The following COMMD1 variants were observed in gnomAD, a reference collection of about 807,000 sequenced individuals.
COMMD1 encodes COMM domain-containing protein 1.
A neutral mutation model predicts 17.2 loss-of-function variants in COMMD1; 10 were observed. That is an observed-to-expected ratio of 0.58 (90% confidence interval 0.36 to 0.99). The LOEUF is 0.99. Ranked by LOEUF, COMMD1 falls within the 50% of genes least tolerant of loss-of-function variation. The probability of loss-of-function intolerance (pLI) is 0.01; values close to 1 mark genes in which losing one functional copy is unlikely to be tolerated. For missense variants in COMMD1, 270 were observed against 231.8 expected, an observed-to-expected ratio of 1.17 and a Z score of -1.07; for synonymous variants, 97 against 91.6, an observed-to-expected ratio of 1.06 and a Z score of -0.34.
At chr2:62,015,695 G>GTTTTTT (rs1175789686) in intron 2 of COMMD1, among the ~76,000 whole-genome samples, 4 of 127,226 alleles carry the variant, frequency 3.1e-5, no homozygotes, top group Non-Finnish European at 5.1e-5. Context: ...TAGTTTCTGG[G>GTTTTTT]TTTTTTTTTT....
At chr2:61,934,098 C>A (rs1670541557) in intron 1 of COMMD1, among the ~76,000 whole-genome samples, 1 of 152,070 alleles carries the variant, frequency 6.6e-6, no homozygotes, top group African/African-American at 2.4e-5. Context: ...ATACCTAAAT[C>A]CAGTTTAAAC....
chr2:62,058,407 C>T (rs904503498), intron 2 of COMMD1, among the ~76,000 whole-genome samples: 1 of 152,130 alleles, frequency 6.6e-6, no homozygotes, highest in Non-Finnish European at 1.5e-5. Context: ...TGTTTTGAGA[C>T]AAGGGTCTCA....
chr2:62,038,352 A>G (rs941378250), intron 2 of COMMD1, among the ~76,000 whole-genome samples: 1 of 152,152 alleles, frequency 6.6e-6, no homozygotes, highest in African/African-American at 2.4e-5. Flanking sequence ...ATCAAAATGT[A>G]TTAAGTAATG....
intron 1 of COMMD1, among the ~76,000 whole-genome samples, chr2:61,959,330 T>C (rs1256671834): frequency 6.6e-6 from 1 of 152,196 alleles, no homozygotes; most frequent in East Asian, 1.9e-4. Flanking sequence ...GGAAGGTCCA[T>C]GTTCAATGGA....
chr2:62,100,430 C>A (rs902066556), intron 2 of COMMD1: 1 of 152,094 alleles, frequency 6.6e-6, no homozygotes, highest in Non-Finnish European at 1.5e-5. Context: ...AGAACATGTG[C>A]CCAAGGTGAT....
chr2:62,002,491 G>GAAAAAAAA (rs11310507), intron 2 of COMMD1, among the ~76,000 whole-genome samples: 8 of 35,084 alleles, frequency 2.3e-4, no homozygotes, highest in East Asian at 1.2e-3. Flanking sequence ...GATTCCACCA[G>GAAAAAAAA]AAAAAAAAAA....
chr2:61,983,686 G>T (rs942954149), intron 1 of COMMD1, among the ~76,000 whole-genome samples: 1 of 151,792 alleles, frequency 6.6e-6, no homozygotes, highest in African/African-American at 2.4e-5. Context: ...CAGTTGTAAT[G>T]TTTTCTTTTT....
upstream of COMMD1, among the ~76,000 whole-genome samples, chr2:61,902,889 T>C (rs1189389882): frequency 6.6e-6 from 1 of 152,108 alleles, no homozygotes; most frequent in Admixed American, 6.6e-5. Flanking sequence ...TCAGTCAGTG[T>C]TACTAAGGTT....
upstream of COMMD1, chr2:61,888,556 G>C: frequency 6.3e-7 from 1 of 1,588,486 alleles, no homozygotes; most frequent in Non-Finnish European, 8.6e-7. Context: ...GGATGGACCC[G>C]GATTCTGGCC....
At chr2:61,957,488 A>G (rs764823237) in intron 1 of COMMD1, among the ~76,000 whole-genome samples, 6 of 152,102 alleles carry the variant, frequency 3.9e-5, no homozygotes, top group African/African-American at 1.2e-4. Context: ...TTTTTTGCCA[A>G]AGATGCTTAA....
At chr2:61,889,458 T>G (rs900024636) in intron 1 of COMMD1, among the ~76,000 whole-genome samples, 36 of 151,990 alleles carry the variant, frequency 2.4e-4, no homozygotes. Context: ...CGGTCCACCC[T>G]CCTCAGCGTT....
intron 1 of COMMD1, among the ~76,000 whole-genome samples, chr2:61,989,144 T>G (rs1573037806): frequency 6.6e-6 from 1 of 152,322 alleles, no homozygotes; most frequent in Middle Eastern, 3.4e-3. Flanking sequence ...TGCTTTTTTA[T>G]GTAGGTGTCA....
rs201585979 is a variant in COMMD1 at position 62,134,176 on chromosome 2, T to C, written c.463-1655T>C. ...ACTCCAAGACTTATTTTTCCATCTGTTGAGTCTCAATTGCCTTCAGCACAA... is the reference window on the plus strand; with the variant it reads ...ACTCCAAGACTTATTTTTCCATCTGCTGAGTCTCAATTGCCTTCAGCACAA... On this transcript the variant is annotated intron_variant, in intron 2 of 2. Coordinates refer to ENST00000311832, the MANE Select transcript of COMMD1 (RefSeq NM_152516.4). Among the ~76,000 whole-genome samples, 30 of 152,264 alleles carry C rather than the reference T, an allele frequency of 2.0e-4. 1 individual carries two copies. The East Asian group carries it at 5.4e-3, about 27-fold the overall frequency.
rs185572488 is a variant in COMMD1, at chr2:62,003,413, C to T, written c.462+2431C>T. Among the ~76,000 whole-genome samples the T allele has an allele frequency of 1.6e-3, 244 of 151,664 alleles. 1 individual carries two copies. Among genetic ancestry groups the T allele is most frequent in the Non-Finnish European group, 8.4e-4 (57 of 67,886 alleles). On this transcript the variant is annotated intron_variant, in intron 2 of 2. Transcript: ENST00000311832. ...AAAATTAGCCGGGCGTGGTGGCGGG[C>T]GCCTGTAATCCCAGCTACTGGGGAG... is the stretch of plus-strand genomic sequence containing the variant.
intron 1 of COMMD1, among the ~76,000 whole-genome samples, chr2:61,923,357 G>A (rs562589274): frequency 6.6e-6 from 1 of 152,066 alleles, no homozygotes; most frequent in East Asian, 1.9e-4. Context: ...GCAAAGTATT[G>A]TGCTAAGTAT....
At chr2:62,020,787 G>A (rs1003660609) in intron 2 of COMMD1, among the ~76,000 whole-genome samples, 2 of 152,106 alleles carry the variant, frequency 1.3e-5, no homozygotes, top group East Asian at 1.9e-4. Context: ...ATCACCTGAG[G>A]TCAGGAGTTC....
chr2:62,079,295 T>C (rs1371897503), intron 2 of COMMD1, among the ~76,000 whole-genome samples: 1 of 152,220 alleles, frequency 6.6e-6, no homozygotes, highest in Non-Finnish European at 1.5e-5. Flanking sequence ...GTACAGTGCT[T>C]GTTTATATAC....
intron 1 of COMMD1, among the ~76,000 whole-genome samples, chr2:61,977,018 T>G (rs1255369125): frequency 6.6e-6 from 1 of 151,534 alleles, no homozygotes; most frequent in Non-Finnish European, 1.5e-5. Context: ...GAGATGGGGT[T>G]TCACCATGTT....
At chr2:62,105,000 C>T (rs1486965055) in intron 2 of COMMD1, among the ~76,000 whole-genome samples, 1 of 151,940 alleles carries the variant, frequency 6.6e-6, no homozygotes, top group Non-Finnish European at 1.5e-5. Flanking sequence ...TGGCACCTGC[C>T]TGTAATCCCA....
Sources: allele counts gnomAD v4.1 joint callset (sites outside exome capture counted in the v4.1 genomes callset), GRCh38; gene constraint gnomAD v4.1.1; transcripts MANE v1.5; gene names NCBI Gene and HGNC (gene_info 2026-07-23, HGNC 2026-07-21).